MECOM: variants seen among roughly 807,000 people sequenced by gnomAD.
The protein encoded by MECOM is histone-lysine N-methyltransferase MECOM.
MECOM carries 13 observed loss-of-function variants against 116.3 expected under a neutral mutation model. The observed-to-expected ratio is 0.11, with a 90% CI of 0.07 to 0.18. The LOEUF is 0.18. MECOM is among the 10% of genes least tolerant of loss of function. The probability of loss-of-function intolerance (pLI) is 1.00; values close to 1 mark genes in which losing one functional copy is unlikely to be tolerated. For synonymous variants in MECOM, 528 were observed against 535.2 expected, an observed-to-expected ratio of 0.99 and a Z score of 0.19; for missense variants, 1,299 against 1,509.0, an observed-to-expected ratio of 0.86 and a Z score of 2.31.
chr3:169,458,533 C>G (rs1455800831), intron 1 of MECOM, among the ~76,000 whole-genome samples: 1 of 152,212 alleles, frequency 6.6e-6, no homozygotes, highest in Non-Finnish European at 1.5e-5. Flanking sequence ...TATCTGCAAG[C>G]CTTTTGGCCT....
intron 1 of MECOM, among the ~76,000 whole-genome samples, chr3:169,471,686 T>C (rs1749272095): frequency 6.6e-6 from 1 of 152,180 alleles, no homozygotes; most frequent in Admixed American, 6.5e-5. Flanking sequence ...GCCTATAATT[T>C]CTTGTTTATT....
chr3:169,416,422 G>A (rs1738603452), intron 1 of MECOM, among the ~76,000 whole-genome samples: 1 of 151,918 alleles, frequency 6.6e-6, no homozygotes, highest in Admixed American at 6.6e-5. Flanking sequence ...AGGAGAAAAT[G>A]GGAAAGATCT....
intron 1 of MECOM, among the ~76,000 whole-genome samples, chr3:169,660,071 G>C (rs1258810027): frequency 6.6e-6 from 1 of 152,064 alleles, no homozygotes; most frequent in Admixed American, 6.5e-5. Context: ...GGGTGGCTTC[G>C]GTATTTCAGG....
At chr3:169,264,486 G>A (rs781184975) in intron 2 of MECOM, among the ~76,000 whole-genome samples, 17 of 152,110 alleles carry the variant, frequency 1.1e-4, no homozygotes, top group Admixed American at 3.3e-4. Context: ...AAAAAAAAGC[G>A]AAGTATCAAG....
At chr3:169,167,197 T>C (rs1297932559) in intron 2 of MECOM, among the ~76,000 whole-genome samples, 1 of 152,182 alleles carries the variant, frequency 6.6e-6, no homozygotes, top group Non-Finnish European at 1.5e-5. Flanking sequence ...AGGTTGTTAT[T>C]TATTGTTTGT....
intron 1 of MECOM, among the ~76,000 whole-genome samples, chr3:169,614,338 A>C (rs533589729): frequency 2.0e-4 from 30 of 152,136 alleles, no homozygotes; most frequent in African/African-American, 7.2e-4. Flanking sequence ...TCTAGTGAAG[A>C]TCTTTCTCCA....
At chr3:169,658,933 G>T (rs985141224) in intron 1 of MECOM, among the ~76,000 whole-genome samples, 1 of 152,136 alleles carries the variant, frequency 6.6e-6, no homozygotes, top group South Asian at 2.1e-4. Flanking sequence ...CTAGCCCGGG[G>T]AGGAGGGCGT....
intron 2 of MECOM, among the ~76,000 whole-genome samples, chr3:169,270,065 T>C (rs1758747914): frequency 6.6e-6 from 1 of 152,020 alleles, no homozygotes; most frequent in Non-Finnish European, 1.5e-5. Flanking sequence ...TAAAAAATAA[T>C]CATTTCATTG....
intron 1 of MECOM, among the ~76,000 whole-genome samples, chr3:169,602,222 T>C (rs183132596): frequency 2.6e-5 from 4 of 152,300 alleles, no homozygotes; most frequent in East Asian, 3.9e-4. Context: ...ACACAATGAG[T>C]AGCCAGCAGC....
intron 2 of MECOM, among the ~76,000 whole-genome samples, chr3:169,150,014 C>A (rs1467074072): frequency 6.6e-6 from 1 of 151,216 alleles, no homozygotes; most frequent in Middle Eastern, 3.4e-3. Flanking sequence ...TCTCCCTCCC[C>A]TCTCCCCCAC....
intron 2 of MECOM, among the ~76,000 whole-genome samples, chr3:169,297,484 CT>C: frequency 6.6e-6 from 1 of 151,568 alleles, no homozygotes; most frequent in East Asian, 1.9e-4. Context: ...ATTAAAAATT[CT>C]ATTGACCATG....
At chr3:169,630,123 A>T (rs1771901918) in intron 1 of MECOM, among the ~76,000 whole-genome samples, 1 of 152,096 alleles carries the variant, frequency 6.6e-6, no homozygotes, top group African/African-American at 2.4e-5. Context: ...TCTCCTCAAC[A>T]CACAGCAGCT....
chr3:169,622,742 A>G (rs888709873), intron 1 of MECOM, among the ~76,000 whole-genome samples: 2 of 152,244 alleles, frequency 1.3e-5, no homozygotes, highest in African/African-American at 2.4e-5. Flanking sequence ...AGTTTCAAAG[A>G]TAAGATAAAA....
At chr3:169,436,905 T>C (rs1742757371) in intron 1 of MECOM, among the ~76,000 whole-genome samples, 1 of 152,134 alleles carries the variant, frequency 6.6e-6, no homozygotes, top group African/African-American at 2.4e-5. Flanking sequence ...TTGAACGACA[T>C]AACAGGATTA....
chr3:169,603,365 G>A (rs1475332995), intron 1 of MECOM, among the ~76,000 whole-genome samples: 3 of 152,112 alleles, frequency 2.0e-5, no homozygotes, highest in African/African-American at 7.2e-5. Flanking sequence ...TAGCACAGGA[G>A]TCAAAGTTTA....
At chr3:169,387,640 G>A (rs138061040) in intron 1 of MECOM, among the ~76,000 whole-genome samples, 2 of 152,258 alleles carry the variant, frequency 1.3e-5, no homozygotes, top group African/African-American at 4.8e-5. Flanking sequence ...TATAAAGTAA[G>A]ACTGATTTCT....
At chr3:169,609,151 A>G (rs557176399) in intron 1 of MECOM, among the ~76,000 whole-genome samples, 2 of 152,294 alleles carry the variant, frequency 1.3e-5, no homozygotes, top group African/African-American at 2.4e-5. Context: ...AAAGTCCCAA[A>G]CCAAATGTAA....
chr3:169,441,916 T>C (rs1229537869), intron 1 of MECOM, among the ~76,000 whole-genome samples: 1 of 150,200 alleles, frequency 6.7e-6, no homozygotes, highest in Non-Finnish European at 1.5e-5. Flanking sequence ...TTTGTTTTGT[T>C]ATGTTTTGTT....
intron 1 of MECOM, among the ~76,000 whole-genome samples, chr3:169,645,062 A>G (rs1773998599): frequency 6.6e-6 from 1 of 152,188 alleles, no homozygotes; most frequent in Non-Finnish European, 1.5e-5. Context: ...AACCATTAGG[A>G]ACACAGACCA....
Sources: allele counts gnomAD v4.1 joint callset (sites outside exome capture counted in the v4.1 genomes callset), GRCh38; gene constraint gnomAD v4.1.1; transcripts MANE v1.5; gene names NCBI Gene and HGNC (gene_info 2026-07-23, HGNC 2026-07-21).